ABTB3: variants seen among roughly 807,000 people sequenced by gnomAD.
The protein encoded by ABTB3 is ankyrin repeat and BTB domain containing 3, also known as ankyrin repeat- and BTB/POZ domain-containing protein 3.
the ABTB3 span, chr12:107,657,831 G>T: frequency 3.7e-6 from 4 of 1,082,362 alleles, no homozygotes; most frequent in Non-Finnish European, 5.5e-6. Flanking sequence ...GGGCCAAGGA[G>T]CTGCCTCTAC....
At chr12:107,555,219 G>A in the ABTB3 span, among the ~76,000 whole-genome samples, 1 of 152,200 alleles carries the variant, frequency 6.6e-6, no homozygotes, top group Non-Finnish European at 1.5e-5. Flanking sequence ...AAAAGGTGAG[G>A]CAGGATTAGA....
chr12:107,493,980 G>T, the ABTB3 span, among the ~76,000 whole-genome samples: 46 of 152,346 alleles, frequency 3.0e-4, no homozygotes, highest in Admixed American at 2.7e-3. Context: ...GTTTAAGCCA[G>T]TAAGTGTAGA....
chr12:107,420,338 G>A, the ABTB3 span, among the ~76,000 whole-genome samples: 2 of 152,250 alleles, frequency 1.3e-5, no homozygotes, highest in East Asian at 1.9e-4. Context: ...TAAAGAAATC[G>A]AGGTTTAATG....
At chr12:107,384,825 G>T in the ABTB3 span, among the ~76,000 whole-genome samples, 1 of 152,142 alleles carries the variant, frequency 6.6e-6, no homozygotes, top group African/African-American at 2.4e-5. Context: ...GGCAAGGCTT[G>T]CAAGGAAGCC....
the ABTB3 span, among the ~76,000 whole-genome samples, chr12:107,401,914 G>GT: frequency 0.015 from 2,012 of 130,862 alleles, 64 homozygotes; most frequent in African/African-American, 0.035. Context: ...ACCGCTTAGG[G>GT]TTTTTTTTTT....
chr12:107,628,126 G>A, the ABTB3 span, among the ~76,000 whole-genome samples: 2 of 152,140 alleles, frequency 1.3e-5, no homozygotes, highest in Non-Finnish European at 2.9e-5. Context: ...GCCATCTGTA[G>A]AGGTGGGTCT....
At chr12:107,581,296 C>T in the ABTB3 span, 1 of 1,416,572 alleles carries the variant, frequency 7.1e-7, no homozygotes, top group Admixed American at 3.1e-5. Flanking sequence ...GCGAGCCGCG[C>T]CAGCTCAGGT....
the ABTB3 span, among the ~76,000 whole-genome samples, chr12:107,436,186 G>A: frequency 6.6e-6 from 1 of 152,200 alleles, no homozygotes; most frequent in Non-Finnish European, 1.5e-5. Context: ...AAGGGTTGGG[G>A]ACATTGTCAT....
chr12:107,457,067 G>T, the ABTB3 span, among the ~76,000 whole-genome samples: 1 of 152,112 alleles, frequency 6.6e-6, no homozygotes, highest in Admixed American at 6.5e-5. Flanking sequence ...TCACTGTGTT[G>T]GTCAGGCTGG....
chr12:107,347,736 C>T, the ABTB3 span, among the ~76,000 whole-genome samples: 14 of 152,140 alleles, frequency 9.2e-5, no homozygotes, highest in African/African-American at 3.4e-4. Flanking sequence ...ACAGGGTTGC[C>T]TACTTTCAAG....
chr12:107,554,595 C>CA, the ABTB3 span, among the ~76,000 whole-genome samples: 1 of 152,164 alleles, frequency 6.6e-6, no homozygotes, highest in Non-Finnish European at 1.5e-5. Context: ...TTACTATTCT[C>CA]ACTGTCATGG....
At chr12:107,334,466 G>C in the ABTB3 span, among the ~76,000 whole-genome samples, 1 of 152,176 alleles carries the variant, frequency 6.6e-6, no homozygotes, top group East Asian at 1.9e-4. Context: ...ACGAGGAGGA[G>C]TTGTCTTAAC....
At chr12:107,483,391 G>A in the ABTB3 span, among the ~76,000 whole-genome samples, 1 of 152,130 alleles carries the variant, frequency 6.6e-6, no homozygotes, top group Non-Finnish European at 1.5e-5. Context: ...GAATATTGGG[G>A]GAGTGGGTCC....
the ABTB3 span, among the ~76,000 whole-genome samples, chr12:107,583,509 C>A: frequency 6.6e-6 from 1 of 152,170 alleles, no homozygotes; most frequent in Non-Finnish European, 1.5e-5. Flanking sequence ...AATGATACAA[C>A]CATGTGTCAT....
chr12:107,475,715 C>CT, the ABTB3 span, among the ~76,000 whole-genome samples: 1,162 of 148,008 alleles, frequency 7.9e-3, 7 homozygotes, highest in Middle Eastern at 0.017. Context: ...TTGTTATTTT[C>CT]TTTTTTTTTT....
chr12:107,517,450 A>G, the ABTB3 span, among the ~76,000 whole-genome samples: 1 of 152,148 alleles, frequency 6.6e-6, no homozygotes, highest in Non-Finnish European at 1.5e-5. Context: ...TCTATAAATT[A>G]CCTTGGGCAG....
At chr12:107,643,805 C>A in the ABTB3 span, among the ~76,000 whole-genome samples, 3 of 132,964 alleles carry the variant, frequency 2.3e-5, no homozygotes, top group Non-Finnish European at 3.1e-5. Flanking sequence ...GCTCTGTTGT[C>A]CAGGTTGGTG....
At chr12:107,319,590 A>G in the ABTB3 span, 1 of 1,538,348 alleles carries the variant, frequency 6.5e-7, no homozygotes, top group Non-Finnish European at 8.7e-7. Context: ...GGCCGCGTGT[A>G]TCGCTGGATG....
the ABTB3 span, among the ~76,000 whole-genome samples, chr12:107,383,209 C>G: frequency 6.6e-6 from 1 of 152,156 alleles, no homozygotes; most frequent in Non-Finnish European, 1.5e-5. Flanking sequence ...GGGTGCAGAC[C>G]CACTCCAGAA....
Sources: allele counts gnomAD v4.1 joint callset (sites outside exome capture counted in the v4.1 genomes callset), GRCh38; gene constraint gnomAD v4.1.1; transcripts MANE v1.5; gene names NCBI Gene and HGNC (gene_info 2026-07-23, HGNC 2026-07-21).